The following DLGAP2 variants were observed in gnomAD, a reference collection of about 807,000 sequenced individuals.
DLGAP2 encodes disks large-associated protein 2.
A neutral mutation model predicts 100.3 loss-of-function variants in DLGAP2; 26 were observed. The observed-to-expected ratio is 0.26, with a 90% CI of 0.19 to 0.36. The LOEUF (loss-of-function observed/expected upper bound fraction) is 0.36, where lower values mean the gene tolerates loss of function less well. Among genes scored for constraint, DLGAP2 ranks in the 10% least tolerant of loss-of-function variants. DLGAP2 has a pLI of 1.00. For synonymous variants in DLGAP2, 886 were observed against 630.1 expected (o/e 1.41, Z -6.08); for missense variants, 1,858 against 1,453.2 (o/e 1.28, Z -4.53).
At chr8:1,274,136 A>C (rs758405663) in intron 3 of DLGAP2, among the ~76,000 whole-genome samples, 3 of 151,960 alleles carry the variant, frequency 2.0e-5, no homozygotes, top group Non-Finnish European at 4.4e-5. Context: ...GAAAATTTTA[A>C]AATTATATCT....
At chr8:821,899 T>C (rs1796589971) in intron 1 of DLGAP2, among the ~76,000 whole-genome samples, 1 of 152,394 alleles carries the variant, frequency 6.6e-6, no homozygotes, top group East Asian at 1.9e-4. Flanking sequence ...TTCCACGGTC[T>C]GGTCTACAAA....
chr8:1,246,129 C>T (rs1490122044), intron 2 of DLGAP2, among the ~76,000 whole-genome samples: 1 of 152,050 alleles, frequency 6.6e-6, no homozygotes, highest in Non-Finnish European at 1.5e-5. Context: ...AATAGGATTC[C>T]CATAGGTGTC....
chr8:1,687,784 CTGAT>C (rs959458651), intron 12 of DLGAP2, among the ~76,000 whole-genome samples: 9 of 152,104 alleles, frequency 5.9e-5, no homozygotes, highest in African/African-American at 1.7e-4. Flanking sequence ...TTTTAAGAAA[CTGAT>C]TGACTTTTAA....
chr8:1,676,479 C>G, intron 10 of DLGAP2, 54 bp from the exon 11 acceptor site: 2 of 1,552,616 alleles, frequency 1.3e-6, no homozygotes, highest in Non-Finnish European at 1.8e-6. Flanking sequence ...AAAATAGTCC[C>G]TTGCCCAGGC....
intron 6 of DLGAP2, among the ~76,000 whole-genome samples, chr8:1,581,239 C>T (rs1450754710): frequency 2.7e-5 from 4 of 150,192 alleles, no homozygotes; most frequent in South Asian, 2.1e-4. Flanking sequence ...GACAAAACCC[C>T]GCACATATAT....
chr8:1,486,894 G>A (rs1367298404), intron 3 of DLGAP2, among the ~76,000 whole-genome samples: 3 of 152,320 alleles, frequency 2.0e-5, no homozygotes, highest in African/African-American at 7.2e-5. Context: ...TGCCTGGAAC[G>A]TTTGTCTCCA....
chr8:1,110,050 T>C (rs1180891818), intron 2 of DLGAP2, among the ~76,000 whole-genome samples: 1 of 134,824 alleles, frequency 7.4e-6, no homozygotes, highest in Non-Finnish European at 1.6e-5. Flanking sequence ...TGAAGTGTGC[T>C]GGGTCTGTGA....
intron 2 of DLGAP2, among the ~76,000 whole-genome samples, chr8:1,192,069 A>C (rs907709511): frequency 7.9e-5 from 12 of 152,072 alleles, no homozygotes; most frequent in African/African-American, 1.2e-4. Context: ...GGGCTCTCTG[A>C]GATGGATTTG....
intron 2 of DLGAP2, among the ~76,000 whole-genome samples, chr8:974,284 C>T (rs963559515): frequency 6.6e-6 from 1 of 152,112 alleles, no homozygotes; most frequent in African/African-American, 2.4e-5. Context: ...TAAAATGGCT[C>T]ACGTACAGAG....
intron 2 of DLGAP2, among the ~76,000 whole-genome samples, chr8:1,191,538 G>C (rs1274413118): frequency 6.6e-6 from 1 of 152,194 alleles, no homozygotes; most frequent in Non-Finnish European, 1.5e-5. Context: ...GAAGTAGAAA[G>C]TGTTATCTCT....
intron 1 of DLGAP2, among the ~76,000 whole-genome samples, chr8:881,906 A>C (rs1341181347): frequency 6.6e-6 from 1 of 152,008 alleles, no homozygotes; most frequent in Non-Finnish European, 1.5e-5. Flanking sequence ...AAATTCTCCC[A>C]CCCAATATCC....
At chr8:1,360,229 TCCGGGGCGGGG>T (rs1801949786) in intron 3 of DLGAP2, among the ~76,000 whole-genome samples, 2 of 110,258 alleles carry the variant, frequency 1.8e-5, no homozygotes, top group African/African-American at 3.5e-5. Flanking sequence ...GCGGGGCTTC[TCCGGGGCGGGG>T]CTTCTCCGGG....
At chr8:1,689,215 G>A (rs34013690) in intron 12 of DLGAP2, among the ~76,000 whole-genome samples, 15,837 of 152,200 alleles carry the variant, frequency 0.1, 1,116 homozygotes, top group East Asian at 0.22. Flanking sequence ...GGAGCCAGCA[G>A]GGGCATCTCC....
intron 2 of DLGAP2, among the ~76,000 whole-genome samples, chr8:1,145,796 A>G (rs1796596217): frequency 7.7e-6 from 1 of 129,118 alleles, no homozygotes; most frequent in Non-Finnish European, 1.6e-5. Context: ...CCAGAGTGTG[A>G]TGTTCCCCTT....
intron 2 of DLGAP2, among the ~76,000 whole-genome samples, chr8:1,233,646 G>A (rs759477069): frequency 7.2e-5 from 11 of 152,152 alleles, no homozygotes; most frequent in Non-Finnish European, 1.2e-4. Context: ...GACTTGCTAA[G>A]CTTCGTTTGT....
At chr8:1,480,039 A>G (rs747752719) in intron 3 of DLGAP2, among the ~76,000 whole-genome samples, 1 of 152,156 alleles carries the variant, frequency 6.6e-6, no homozygotes, top group African/African-American at 2.4e-5. Flanking sequence ...TGCAATTAGT[A>G]TCTCTCTTGC....
chr8:1,060,341 CG>C (rs1563170164), intron 2 of DLGAP2, among the ~76,000 whole-genome samples: 1 of 65,944 alleles, frequency 1.5e-5, no homozygotes, highest in African/African-American at 3.8e-5. Flanking sequence ...TTGGTCCCTC[CG>C]CTGAGTGCTT....
rs150177911 is a variant in DLGAP2, at chr8:1,644,222, C to T, written c.1810+11176C>T. 4.1e-3 allele frequency among the ~76,000 whole-genome samples: 627 copies of T among 152,366 alleles called. 2 individuals carry two copies. The highest frequency in any genetic ancestry group is 0.014 in the African/African-American group (599 of 41,590). Reference sequence around the variant, plus strand: ...CAGGACTTCCCACCCACTCTCCATCCTGCCTGCAGGACATTCTTGCTAAAA... The same window carrying T: ...CAGGACTTCCCACCCACTCTCCATCTTGCCTGCAGGACATTCTTGCTAAAA... On this transcript the variant is annotated intron_variant, in intron 8 of 14. Coordinates refer to ENST00000637795, the MANE Select transcript of DLGAP2 (RefSeq NM_001346810.2).
chr8:1,699,872 T>C (rs1366427315), intron 14 of DLGAP2, among the ~76,000 whole-genome samples: 1 of 152,184 alleles, frequency 6.6e-6, no homozygotes, highest in East Asian at 1.9e-4. Flanking sequence ...TGTGTACATC[T>C]CACAGGCTCA....
Sources: gnomAD v4.1 joint callset for allele counts (sites outside exome capture counted in the v4.1 genomes callset) on GRCh38, gnomAD v4.1.1 for gene constraint, MANE v1.5 for transcripts, NCBI Gene and HGNC (gene_info 2026-07-23, HGNC 2026-07-21) for gene names.